Variants in ACTN4 observed in about 807,000 individuals in gnomAD.
ACTN4 encodes actinin alpha 4.
A neutral mutation model predicts 114.2 loss-of-function variants in ACTN4; 18 were observed. The ratio of observed to expected loss-of-function variants is 0.16; its 90% confidence interval spans 0.11 to 0.23. ACTN4 has a LOEUF of 0.23. Ranked by LOEUF, ACTN4 falls within the 10% of genes least tolerant of loss-of-function variation. The pLI is 1.00. For missense variants in ACTN4, 722 were observed against 1,262.9 expected, an observed-to-expected ratio of 0.57 and a Z score of 6.49; for synonymous variants, 515 against 506.3, an observed-to-expected ratio of 1.02 and a Z score of -0.23.
intron 4 of ACTN4, among the ~76,000 whole-genome samples, chr19:38,705,820 A>T (rs966672726): frequency 6.6e-6 from 1 of 152,138 alleles, no homozygotes; most frequent in East Asian, 1.9e-4. Context: ...CGTGAGGATT[A>T]AGCAGGGCCG....
At chr19:38,660,119 G>A (rs1476364572) in intron 1 of ACTN4, among the ~76,000 whole-genome samples, 6 of 151,918 alleles carry the variant, frequency 3.9e-5, no homozygotes, top group South Asian at 4.2e-4. Flanking sequence ...ACAGGGTTTT[G>A]CCATGTTGGC....
At position 38,727,632 on chromosome 19, in the gene ACTN4, C is replaced by T. The variant is rs1048505737; in HGVS notation, c.2338-314C>T. 1.4e-5 allele frequency among the ~76,000 whole-genome samples: 2 copies of T among 139,174 alleles called. No homozygotes were observed. The highest frequency in any genetic ancestry group is 3.2e-5 in the Non-Finnish European group (2 of 63,476). The allele number at this position is 139,174 out of a possible 152,430, so 91.3% of individuals were successfully genotyped here. On this transcript the variant is annotated intron_variant, in intron 18 of 20. Transcript: ENST00000252699. This position sits in a 1 kb window ranked among gnomAD's most constrained non-coding sequence, Gnocchi z 5.4. The stretch of plus-strand genomic sequence containing the variant: ...AAATCCCAAAGGCAAGGAGAACCCC[C>T]CCCCCGACCCTCCACCAGTCCTGGG...
In ACTN4 at chr19:38,727,906, C is replaced by T. The variant is rs777014545; in HGVS notation, c.2338-40C>T. On this transcript the variant is annotated intron_variant, in intron 18 of 20. Coordinates refer to ENST00000252699, the MANE Select transcript of ACTN4 (RefSeq NM_004924.6). This position sits in a 1 kb window ranked among gnomAD's most constrained non-coding sequence, Gnocchi z 5.4. ...CCGATCCCTCATCCTGGTCTCCACGCCGCCCCTCCCGCACACCTGCCTTCG... is the reference window on the plus strand; with the variant it reads ...CCGATCCCTCATCCTGGTCTCCACGTCGCCCCTCCCGCACACCTGCCTTCG... 1.6e-5 allele frequency: 25 copies of T among 1,601,672 alleles called. No individual in the cohort carries two copies. In the Admixed American group the frequency reaches 3.9e-4, roughly 25 times the overall value.
Position 38,729,154 on chromosome 19 carries a change from G to A in ACTN4, c.2577G>A (p.Lys859=), listed in dbSNP as rs761493174. 6.2e-7 allele frequency: 1 copy of A among 1,613,066 alleles called. No homozygotes were observed. Among genetic ancestry groups the A allele is most frequent in the Non-Finnish European group, 8.5e-7 (1 of 1,180,012 alleles). ...IASFKVLAGD[K]NFITAEELRR... The stretch of plus-strand genomic sequence containing the variant: ...CCTTCAAGGTCTTAGCAGGGGACAA[G>A]GTGAGCGAGACCCCTACGAGGTGCA... The change falls in exon 20 of 21, where the codon AAG becomes AAA. Residue 859 remains lysine (K), a splice_region_variant and synonymous_variant. Coordinates refer to ENST00000252699, the MANE Select transcript of ACTN4 (RefSeq NM_004924.6).
intron 8 of ACTN4, 23 bp from the exon 9 acceptor site, chr19:38,714,446 C>A: frequency 6.2e-7 from 1 of 1,612,506 alleles, no homozygotes; most frequent in Non-Finnish European, 8.5e-7. Context: ...CCCAGGCAGC[C>A]CTGACTGTGT....
Position 38,717,428 on chromosome 19 carries a change from G to C in ACTN4, c.1143+112G>C. 2 of 1,404,076 alleles carry C rather than the reference G, an allele frequency of 1.4e-6. No individual in the cohort carries two copies. The highest frequency in any genetic ancestry group is 9.7e-7 in the Non-Finnish European group (1 of 1,026,104). The allele number at this position is 1,404,076 out of a possible 1,614,324, so 87.0% of individuals were successfully genotyped here. Reference sequence around the variant, plus strand: ...TTCCTAAGTTGTTGATGTCCTGTGGGACATGGCATGGCCTTTCGGATGCAG... The same window carrying C: ...TTCCTAAGTTGTTGATGTCCTGTGGCACATGGCATGGCCTTTCGGATGCAG... On this transcript the variant is annotated intron_variant, in intron 10 of 20. Transcript: ENST00000252699. The surrounding 1 kb of genome is among the most constrained non-coding windows in gnomAD (Gnocchi z 4.0).
At position 38,724,310 on chromosome 19, in the gene ACTN4, C is replaced by T. The variant is rs1207220190; in HGVS notation, c.1846C>T (p.Pro616Ser). The change falls in exon 15 of 21, where the codon CCG becomes TCG. Residue 616 changes from proline to serine, a missense_variant. This residue lies in a region of ACTN4 where 523 missense variants were observed against 875.9 expected (regional missense o/e 0.60). Coordinates refer to ENST00000252699, the MANE Select transcript of ACTN4 (RefSeq NM_004924.6). This position sits in a 1 kb window ranked among gnomAD's most constrained non-coding sequence, Gnocchi z 7.0. ...CAGCAACCCCTACACCACCGTCACC[C>T]CGCAAATCATCAACTCCAAGTGGGA... The part of the protein sequence containing the change: ...SGSNPYTTVT[P>S]QIINSKWEKV... The T allele has an allele frequency of 1.2e-6, 2 of 1,613,868 alleles. No individual in the cohort carries two copies. The highest frequency in any genetic ancestry group is 8.5e-7 in the Non-Finnish European group (1 of 1,180,020).
chr19:38,672,160 C>T (rs8182484), intron 1 of ACTN4, among the ~76,000 whole-genome samples: 2 of 151,432 alleles, frequency 1.3e-5, no homozygotes, highest in South Asian at 4.2e-4. Context: ...AGGGTAGGGA[C>T]GAACATGGCG....
chr19:38,678,345 A>G (rs1055744149), intron 1 of ACTN4, among the ~76,000 whole-genome samples: 1 of 152,228 alleles, frequency 6.6e-6, no homozygotes, highest in Non-Finnish European at 1.5e-5. Context: ...AAGTGTTTCT[A>G]GGGATAGCTA....
chr19:38,716,195 G>A (rs1377686442), intron 9 of ACTN4, among the ~76,000 whole-genome samples: 2 of 152,220 alleles, frequency 1.3e-5, no homozygotes, highest in African/African-American at 4.8e-5. Flanking sequence ...GTGAACCAGC[G>A]TGCCTGGCCT....
At chr19:38,698,970 C>T (rs1968180469) in intron 1 of ACTN4, among the ~76,000 whole-genome samples, 1 of 152,242 alleles carries the variant, frequency 6.6e-6, no homozygotes, top group Non-Finnish European at 1.5e-5. Context: ...CGCATGGCCT[C>T]CGCCTGCACC....
Position 38,717,568 on chromosome 19 carries a change from G to A in ACTN4, c.1143+252G>A, listed in dbSNP as rs1968885096. 6.6e-6 allele frequency among the ~76,000 whole-genome samples: 1 copy of A among 152,188 alleles called. No individual in the cohort carries two copies. Among genetic ancestry groups the A allele is most frequent in the African/African-American group, 2.4e-5 (1 of 41,446 alleles). On this transcript the variant is annotated intron_variant, in intron 10 of 20. Coordinates refer to ENST00000252699, the MANE Select transcript of ACTN4 (RefSeq NM_004924.6). The surrounding 1 kb of genome is among the most constrained non-coding windows in gnomAD (Gnocchi z 4.0). ...CAAATCCTTGCCACGGGTTGTGTGG[G>A]TGTGGAGTGGTGTGAATTTGGAGCC...
chr19:38,661,220 C>T (rs552782230), intron 1 of ACTN4, among the ~76,000 whole-genome samples: 45 of 152,206 alleles, frequency 3.0e-4, no homozygotes, highest in Non-Finnish European at 5.7e-4. Context: ...TTCCAGGACT[C>T]TGGCGCTCCT....
intron 1 of ACTN4, among the ~76,000 whole-genome samples, chr19:38,676,453 G>C (rs561132329): frequency 6.6e-6 from 1 of 152,210 alleles, no homozygotes; most frequent in Non-Finnish European, 1.5e-5. Context: ...AGACGAGTGT[G>C]TTGTATAGCA....
At chr19:38,681,987 C>T (rs1203731887) in intron 1 of ACTN4, among the ~76,000 whole-genome samples, 1 of 152,126 alleles carries the variant, frequency 6.6e-6, no homozygotes, top group Non-Finnish European at 1.5e-5. Context: ...CCTACCACCA[C>T]ACCTGGCTAA....
At chr19:38,673,662 T>C (rs576824626) in intron 1 of ACTN4, among the ~76,000 whole-genome samples, 6 of 15,518 alleles carry the variant, frequency 3.9e-4, no homozygotes, top group South Asian at 1.9e-3. Context: ...TATTTATATA[T>C]ATTATATATA....
intron 3 of ACTN4, among the ~76,000 whole-genome samples, chr19:38,703,387 C>T (rs190687325): frequency 2.1e-4 from 32 of 151,828 alleles, no homozygotes; most frequent in African/African-American, 6.5e-4. Context: ...TACAAGCACC[C>T]GCCACCACGC....
Position 38,647,879 on chromosome 19 carries a change from A to G in ACTN4, c.134A>G (p.Asp45Gly). ...EDDWDRDLLL[D>G]PAWEKQQRKT... ...GACTGGGACCGGGACCTGCTGCTGG[A>G]CCCGGCCTGGGAGAAGCAGCAGCGC... Residue 45 changes from aspartate (D) to glycine (G), a missense_variant, in exon 1 of 21, where the codon GAC becomes GGC. Around this residue, in one of 3 missense-constraint regions of ACTN4, gnomAD observed 72 missense variants for 75.6 expected, o/e 0.95. Coordinates refer to ENST00000252699, the MANE Select transcript of ACTN4 (RefSeq NM_004924.6). The G allele has an allele frequency of 6.7e-7, 1 of 1,499,962 alleles. No individual in the cohort carries two copies. The highest frequency in any genetic ancestry group is 2.7e-5 in the East Asian group (1 of 36,470). The allele number at this position is 1,499,962 out of a possible 1,614,324, so 92.9% of individuals were successfully genotyped here.
intron 17 of ACTN4, among the ~76,000 whole-genome samples, chr19:38,726,395 C>A (rs1969234079): frequency 6.6e-6 from 1 of 152,162 alleles, no homozygotes; most frequent in East Asian, 1.9e-4. Flanking sequence ...ATGCCCCTCA[C>A]AGGACAAGCT....
Sources: allele counts gnomAD v4.1 joint callset (sites outside exome capture counted in the v4.1 genomes callset), GRCh38; gene constraint gnomAD v4.1.1; regional missense constraint gnomAD v4.1.1; non-coding constraint Gnocchi (gnomAD v3.1); transcripts MANE v1.5; gene names NCBI Gene and HGNC (gene_info 2026-07-23, HGNC 2026-07-21).